The following TBC1D32 variants were observed in gnomAD, a reference collection of about 807,000 sequenced individuals.
The protein encoded by TBC1D32 is protein broad-minded.
TBC1D32 carries 151 observed loss-of-function variants against 170.3 expected under a neutral mutation model. The ratio of observed to expected loss-of-function variants is 0.89; its 90% CI spans 0.78 to 1.01. The LOEUF (loss-of-function observed/expected upper bound fraction) is 1.01, where lower values mean the gene tolerates loss of function less well. Ranked by LOEUF, TBC1D32 falls within the 50% of genes least tolerant of loss-of-function variation. TBC1D32 has a pLI of 0.00. For synonymous variants in TBC1D32, 498 were observed against 488.0 expected, an observed-to-expected ratio of 1.02 and a Z score of -0.27; for missense variants, 1,464 against 1,457.1, an observed-to-expected ratio of 1.00 and a Z score of -0.08.
chr6:121,261,548 C>T (rs1382454483), intron 15 of TBC1D32, among the ~76,000 whole-genome samples: 1 of 151,974 alleles, frequency 6.6e-6, no homozygotes, highest in Non-Finnish European at 1.5e-5. Flanking sequence ...AGGGACCTGA[C>T]AATTGAAAGA....
intron 15 of TBC1D32, among the ~76,000 whole-genome samples, chr6:121,273,432 C>G (rs552310058): frequency 1.4e-5 from 2 of 143,796 alleles, no homozygotes; most frequent in African/African-American, 2.6e-5. Flanking sequence ...TAGGTGAGAA[C>G]TGAACAATGA....
intron 9 of TBC1D32, 92 bp from the exon 10 acceptor site, chr6:121,299,597 C>T: frequency 8.0e-7 from 1 of 1,249,446 alleles, no homozygotes; most frequent in Non-Finnish European, 1.1e-6. Context: ...CATCATAAAT[C>T]ACACAATAGC....
chr6:121,308,715 G>T (rs1211738311), intron 4 of TBC1D32, among the ~76,000 whole-genome samples: 2 of 103,698 alleles, frequency 1.9e-5, no homozygotes, highest in African/African-American at 1.1e-4. Context: ...TTGAGACGGA[G>T]TCTCGCTCTG....
intron 31 of TBC1D32, among the ~76,000 whole-genome samples, chr6:121,088,278 C>CT (rs1776456139): frequency 1.3e-5 from 2 of 151,970 alleles, no homozygotes; most frequent in Admixed American, 6.6e-5. Context: ...ATTGATAAGT[C>CT]TTTTTTCCCT....
At chr6:121,277,368 G>C (rs1337364906) in intron 15 of TBC1D32, among the ~76,000 whole-genome samples, 1 of 151,402 alleles carries the variant, frequency 6.6e-6, no homozygotes, top group Non-Finnish European at 1.5e-5. Context: ...TGCACCTGTA[G>C]TCCCAGCTAC....
chr6:121,263,397 G>A (rs974081359), intron 15 of TBC1D32, among the ~76,000 whole-genome samples: 5 of 152,042 alleles, frequency 3.3e-5, no homozygotes, highest in South Asian at 2.1e-4. Flanking sequence ...CTAACTATCC[G>A]AAATATACAT....
chr6:121,306,184 G>A (rs1304948169), intron 5 of TBC1D32, among the ~76,000 whole-genome samples: 1 of 152,062 alleles, frequency 6.6e-6, no homozygotes, highest in Non-Finnish European at 1.5e-5. Context: ...ATACCCTCTG[G>A]TGTTAACAAG....
chr6:121,127,366 T>C (rs1447369219), intron 25 of TBC1D32, among the ~76,000 whole-genome samples: 6 of 152,194 alleles, frequency 3.9e-5, no homozygotes, highest in Non-Finnish European at 8.8e-5. Flanking sequence ...TATCTCATAA[T>C]ATTTTAATGG....
chr6:121,321,498 T>C, intron 2 of TBC1D32, 135 bp downstream of exon 2: 1 of 813,724 alleles, frequency 1.2e-6, no homozygotes, highest in South Asian at 2.3e-5. Flanking sequence ...AAGGGTGTCA[T>C]GATCTGACTC....
intron 29 of TBC1D32, among the ~76,000 whole-genome samples, chr6:121,108,358 T>C (rs1778896320): frequency 6.6e-6 from 1 of 152,052 alleles, no homozygotes. Context: ...GAAAGGACAG[T>C]AACTCTCTGT....
intron 26 of TBC1D32, among the ~76,000 whole-genome samples, chr6:121,116,303 C>T (rs542366929): frequency 7.0e-4 from 107 of 151,960 alleles, no homozygotes; most frequent in Middle Eastern, 3.4e-3. Flanking sequence ...ATGCAAGAAG[C>T]TATGAGGGAT....
intron 12 of TBC1D32, among the ~76,000 whole-genome samples, chr6:121,287,632 T>A (rs996128007): frequency 4.6e-5 from 7 of 152,170 alleles, no homozygotes; most frequent in African/African-American, 2.4e-5. Context: ...GGAATTGAAC[T>A]CAGCTCTGCA....
At chr6:121,122,240 C>T (rs567719041) in intron 26 of TBC1D32, among the ~76,000 whole-genome samples, 1 of 152,172 alleles carries the variant, frequency 6.6e-6, no homozygotes, top group Admixed American at 6.6e-5. Flanking sequence ...ACATCCTCAT[C>T]TCAGCCATTC....
intron 30 of TBC1D32, 59 bp downstream of exon 30, chr6:121,105,964 T>G (rs1778641514): frequency 2.1e-6 from 3 of 1,455,150 alleles, no homozygotes; most frequent in Non-Finnish European, 2.8e-6. Flanking sequence ...GAGAACACAG[T>G]TTTATTTGAA....
chr6:121,113,057 G>A lies in TBC1D32; in HGVS notation c.3169+5C>T, dbSNP rs571250921. The A allele has an allele frequency of 6.3e-7, 1 of 1,594,640 alleles. No individual in the cohort carries two copies. Among genetic ancestry groups the A allele is most frequent in the South Asian group, 1.1e-5 (1 of 88,516 alleles). ...AGCTATTGTGAATATACTCAAAAAG[G>A]ATATGAAGAGAAGATTTTATGGAAG... is the stretch of plus-strand genomic sequence containing the variant. On this transcript the variant is annotated splice_donor_5th_base_variant and intron_variant, in intron 28 of 31. Coordinates refer to ENST00000398212, the MANE Select transcript of TBC1D32 (RefSeq NM_152730.6).
At chr6:121,245,875 A>C (rs370430226) in intron 17 of TBC1D32, among the ~76,000 whole-genome samples, 1 of 152,110 alleles carries the variant, frequency 6.6e-6, no homozygotes, top group Non-Finnish European at 1.5e-5. Flanking sequence ...TGAGGCTGTA[A>C]GGTGGATAGA....
chr6:121,111,240 A>G (rs1294897129), intron 29 of TBC1D32, among the ~76,000 whole-genome samples: 1 of 152,208 alleles, frequency 6.6e-6, no homozygotes, highest in African/African-American at 2.4e-5. Flanking sequence ...TATAGGCTCA[A>G]AGTATAAATG....
rs1806801123 is a variant in TBC1D32 at position 121,303,541 on chromosome 6, T to C, written c.1080+76A>G. 6 of 1,149,930 alleles carry C rather than the reference T, an allele frequency of 5.2e-6. No individual in the cohort carries two copies. The Admixed American group carries it at 1.8e-4, about 34-fold the overall frequency. 71.2% of individuals were successfully genotyped at this position (1,149,930 alleles called of 1,614,324 possible). ...AGTGATTAGAACTCTTAGCACACAG[T>C]ATTCAAACATTAACTATTTATTAAA... On this transcript the variant is annotated intron_variant, in intron 9 of 31. Coordinates refer to ENST00000398212, the MANE Select transcript of TBC1D32 (RefSeq NM_152730.6).
chr6:121,248,229 A>G (rs1294534256), intron 17 of TBC1D32, among the ~76,000 whole-genome samples: 1 of 152,126 alleles, frequency 6.6e-6, no homozygotes, highest in East Asian at 1.9e-4. Flanking sequence ...TTATAGTTTA[A>G]CAAAATCAAC....
Sources: allele counts gnomAD v4.1 joint callset (sites outside exome capture counted in the v4.1 genomes callset), GRCh38; gene constraint gnomAD v4.1.1; transcripts MANE v1.5; gene names NCBI Gene and HGNC (gene_info 2026-07-23, HGNC 2026-07-21).